FOXP2: variants seen among roughly 807,000 people sequenced by gnomAD.
FOXP2 encodes forkhead box protein P2.
FOXP2 carries 12 observed loss-of-function variants against 115.8 expected under a neutral mutation model. The ratio of observed to expected loss-of-function variants is 0.10; its 90% confidence interval spans 0.07 to 0.17. FOXP2 has a LOEUF of 0.17. Ranked by LOEUF, FOXP2 falls within the 10% of genes least tolerant of loss-of-function variation. The probability of loss-of-function intolerance (pLI) is 1.00; values close to 1 mark genes in which losing one functional copy is unlikely to be tolerated. For synonymous variants in FOXP2, 328 were observed against 297.7 expected, an observed-to-expected ratio of 1.10 and a Z score of -1.05; for missense variants, 629 against 843.5, an observed-to-expected ratio of 0.75 and a Z score of 3.15.
intron 2 of FOXP2, among the ~76,000 whole-genome samples, chr7:114,440,912 CATGGA>C (rs1160646787): frequency 6.6e-6 from 1 of 152,046 alleles, no homozygotes; most frequent in Non-Finnish European, 1.5e-5. Flanking sequence ...AGAAAAGAAA[CATGGA>C]ATGGATGAAG....
intron 3 of FOXP2, among the ~76,000 whole-genome samples, chr7:114,546,692 C>T (rs1391473633): frequency 1.3e-5 from 2 of 152,154 alleles, no homozygotes; most frequent in South Asian, 2.1e-4. Flanking sequence ...AAAAATCCCT[C>T]CTCACACAAG....
rs532792027 is a variant in FOXP2 at position 114,512,755 on chromosome 7, A to G, written c.169-21862A>G. On this transcript the variant is annotated intron_variant, in intron 2 of 16. Transcript: ENST00000350908. ...AGTAGTATAGTGAGGAAAATGAAAG[A>G]AAATATTGGGATTCTTGGGGTCAAA... is the stretch of plus-strand genomic sequence containing the variant. Among the ~76,000 whole-genome samples the G allele has an allele frequency of 2.6e-4, 39 of 152,286 alleles. 1 individual carries two copies. The highest frequency in any genetic ancestry group is 9.1e-4 in the African/African-American group (38 of 41,568).
intron 2 of FOXP2, among the ~76,000 whole-genome samples, chr7:114,292,626 A>C (rs945679842): frequency 1.3e-5 from 2 of 151,976 alleles, no homozygotes; most frequent in African/African-American, 2.4e-5. Context: ...TTAAATTTCT[A>C]CCTTTTCCAC....
intron 3 of FOXP2, among the ~76,000 whole-genome samples, chr7:114,558,935 A>G (rs754576040): frequency 6.6e-6 from 1 of 152,196 alleles, no homozygotes; most frequent in Non-Finnish European, 1.5e-5. Flanking sequence ...ATGGCAATGT[A>G]TACATTAAAT....
chr7:114,371,247 ATT>A (rs34625695), intron 2 of FOXP2, among the ~76,000 whole-genome samples: 13 of 141,020 alleles, frequency 9.2e-5, no homozygotes, highest in Admixed American at 2.8e-4. Context: ...TGTCCAGCTA[ATT>A]TTTTTTTTTT....
intron 1 of FOXP2, among the ~76,000 whole-genome samples, chr7:114,423,114 G>A (rs191436170): frequency 1.3e-5 from 2 of 151,802 alleles, no homozygotes; most frequent in Non-Finnish European, 3.0e-5. Flanking sequence ...CTGGATTATA[G>A]CAATTTGAAA....
intron 3 of FOXP2, among the ~76,000 whole-genome samples, chr7:114,590,161 A>T (rs969079070): frequency 6.6e-6 from 1 of 152,076 alleles, no homozygotes; most frequent in Non-Finnish European, 1.5e-5. Flanking sequence ...TTGCAAAAAA[A>T]GTTTAGAGCA....
intron 1 of FOXP2, among the ~76,000 whole-genome samples, chr7:114,151,760 T>A (rs1249282571): frequency 6.6e-6 from 1 of 152,142 alleles, no homozygotes; most frequent in Non-Finnish European, 1.5e-5. Flanking sequence ...TGTAACATCT[T>A]TTGACAAGCA....
intron 1 of FOXP2, among the ~76,000 whole-genome samples, chr7:114,139,137 G>C (rs1394905366): frequency 2.0e-5 from 3 of 151,956 alleles, no homozygotes; most frequent in Admixed American, 2.0e-4. Context: ...CTATAGACCA[G>C]GTACTTTAAA....
At position 114,642,502 on chromosome 7, in the gene FOXP2, G is replaced by A. The variant is rs940890058; in HGVS notation, c.868G>A (p.Asp290Asn). The A allele has an allele frequency of 1.2e-6, 2 of 1,613,666 alleles. No homozygotes were observed. The highest frequency in any genetic ancestry group is 2.7e-5 in the African/African-American group (2 of 74,830). Residue 290 changes from aspartate (D) to asparagine (N), a missense_variant, in exon 7 of 17, where the codon GAC (aspartate) becomes AAC (asparagine). Transcript: ENST00000350908. Reference protein sequence around the residue: ...EDNGIKHGGLDLTTNNSSSTT... With the variant: ...EDNGIKHGGLNLTTNNSSSTT... ...CAATGGCATTAAACATGGAGGGCTAGACCTCACTACTAACAATTCCTCCTC... is the reference window on the plus strand; with the variant it reads ...CAATGGCATTAAACATGGAGGGCTAAACCTCACTACTAACAATTCCTCCTC...
chr7:114,495,483 C>CTTTTTTTTTT lies in FOXP2; in HGVS notation c.169-39113_169-39104dup, dbSNP rs35933398. 2.2e-3 allele frequency among the ~76,000 whole-genome samples: 138 copies of CTTTTTTTTTT among 61,478 alleles called. 6 individuals are homozygous for CTTTTTTTTTT. Among genetic ancestry groups the CTTTTTTTTTT allele is most frequent in the East Asian group, 5.8e-3 (9 of 1,564 alleles). The allele number at this position is 61,478 out of a possible 152,430, so 40.3% of individuals were successfully genotyped here. A position where few individuals can be genotyped will look rare whatever the true frequency, so the allele number is the denominator to read the frequency against. On this transcript the variant is annotated intron_variant, in intron 2 of 16. Transcript: ENST00000350908. The stretch of plus-strand genomic sequence containing the variant: ...TTCTTTGTTTTTTCTTTCTCTCTCT[C>CTTTTTTTTTT]TTTTTTTTTTTTTTTTTTTTTTTTT...
At chr7:114,244,212 A>T (rs533889730) in intron 1 of FOXP2, among the ~76,000 whole-genome samples, 8 of 152,246 alleles carry the variant, frequency 5.3e-5, no homozygotes, top group African/African-American at 1.7e-4. Context: ...CACTCAGTTT[A>T]CCCTATTATT....
chr7:114,142,483 T>C (rs1193303960), intron 1 of FOXP2, among the ~76,000 whole-genome samples: 2 of 152,182 alleles, frequency 1.3e-5, no homozygotes, highest in African/African-American at 4.8e-5. Context: ...AATGAGGGGC[T>C]AGATGAAATG....
chr7:114,444,461 G>C (rs1299860395), intron 2 of FOXP2, among the ~76,000 whole-genome samples: 8 of 152,108 alleles, frequency 5.3e-5, no homozygotes, highest in African/African-American at 1.9e-4. Flanking sequence ...TGGTTGTAAA[G>C]CCTCACTCTT....
At chr7:114,120,778 T>C (rs1341567918) in intron 1 of FOXP2, among the ~76,000 whole-genome samples, 3 of 152,056 alleles carry the variant, frequency 2.0e-5, no homozygotes, top group African/African-American at 4.8e-5. Flanking sequence ...AAAGTGTTAT[T>C]TTAATTTACA....
At chr7:114,660,421 A>T (rs1806802192) in intron 13 of FOXP2, among the ~76,000 whole-genome samples, 1 of 152,168 alleles carries the variant, frequency 6.6e-6, no homozygotes, top group Non-Finnish European at 1.5e-5. Flanking sequence ...AAAAGGGGAA[A>T]ATGTTTGTAG....
intron 1 of FOXP2, among the ~76,000 whole-genome samples, chr7:114,261,833 T>G (rs1265810719): frequency 6.6e-6 from 1 of 151,350 alleles, no homozygotes; most frequent in Non-Finnish European, 1.5e-5. Flanking sequence ...TCGAGGTGTT[T>G]GAATAATTTG....
intron 2 of FOXP2, among the ~76,000 whole-genome samples, chr7:114,508,390 G>C (rs993256906): frequency 1.3e-5 from 2 of 152,050 alleles, no homozygotes; most frequent in African/African-American, 4.8e-5. Flanking sequence ...GGTAGAGTGA[G>C]CCAATAACTG....
chr7:114,375,134 G>T (rs1476354449), intron 2 of FOXP2, among the ~76,000 whole-genome samples: 1 of 152,004 alleles, frequency 6.6e-6, no homozygotes, highest in Non-Finnish European at 1.5e-5. Flanking sequence ...CTAGAGTATA[G>T]GTTTTAAATA....
Sources: gnomAD v4.1 joint callset for allele counts (sites outside exome capture counted in the v4.1 genomes callset) on GRCh38, gnomAD v4.1.1 for gene constraint, MANE v1.5 for transcripts, NCBI Gene and HGNC (gene_info 2026-07-23, HGNC 2026-07-21) for gene names.